LHFPL3: variants seen among roughly 807,000 people sequenced by gnomAD.
LHFPL3 encodes the protein LHFPL tetraspan subfamily member 3 protein.
LHFPL3 carries 5 observed loss-of-function variants against 19.3 expected under a neutral mutation model. The ratio of observed to expected loss-of-function variants is 0.26; its 90% CI spans 0.14 to 0.54. The LOEUF (loss-of-function observed/expected upper bound fraction) is 0.54, where lower values mean the gene tolerates loss of function less well. Ranked by LOEUF, LHFPL3 falls within the 20% of genes least tolerant of loss-of-function variation. The pLI is 0.94. For synonymous variants in LHFPL3, 133 were observed against 126.2 expected, an observed-to-expected ratio of 1.05 and a Z score of -0.36; for missense variants, 249 against 307.4, an observed-to-expected ratio of 0.81 and a Z score of 1.42.
chr7:104,762,305 CA>C (rs1794384419), intron 2 of LHFPL3, among the ~76,000 whole-genome samples: 1 of 151,992 alleles, frequency 6.6e-6, no homozygotes, highest in African/African-American at 2.4e-5. Context: ...AATAATGTGA[CA>C]AATAACAGGT....
At chr7:104,726,346 T>A (rs78955569) in intron 1 of LHFPL3, among the ~76,000 whole-genome samples, 1 of 151,842 alleles carries the variant, frequency 6.6e-6, no homozygotes, top group African/African-American at 2.4e-5. Flanking sequence ...TTTTTTTTTT[T>A]ATTCCAAGGT....
At chr7:104,813,365 T>C (rs986301680) in intron 2 of LHFPL3, among the ~76,000 whole-genome samples, 3 of 152,214 alleles carry the variant, frequency 2.0e-5, no homozygotes, top group African/African-American at 7.2e-5. Flanking sequence ...AAATAGCTGG[T>C]AACCTCAAAA....
chr7:104,889,506 G>T (rs1278878109), intron 2 of LHFPL3, among the ~76,000 whole-genome samples: 1 of 152,158 alleles, frequency 6.6e-6, no homozygotes, highest in African/African-American at 2.4e-5. Flanking sequence ...CAGGTGTGGT[G>T]TCACAAGCCT....
At chr7:104,738,789 G>T (rs991266752) in intron 2 of LHFPL3, 1 of 152,062 alleles carries the variant, frequency 6.6e-6, no homozygotes, top group Non-Finnish European at 1.5e-5. Context: ...GATCCTTTCC[G>T]TCTGAGTCTT....
chr7:104,819,168 A>T (rs13246819), intron 2 of LHFPL3, among the ~76,000 whole-genome samples: 1 of 151,820 alleles, frequency 6.6e-6, no homozygotes, highest in East Asian at 1.9e-4. Flanking sequence ...ATCCTGCTTT[A>T]AAAAAAATAT....
intron 2 of LHFPL3, among the ~76,000 whole-genome samples, chr7:104,898,682 C>T (rs777118398): frequency 6.6e-6 from 1 of 152,016 alleles, no homozygotes; most frequent in African/African-American, 2.4e-5. Flanking sequence ...GGGCCAGGCG[C>T]GGTGGTTCAT....
intron 1 of LHFPL3, among the ~76,000 whole-genome samples, chr7:104,405,622 A>C (rs1160431772): frequency 6.6e-6 from 1 of 152,240 alleles, no homozygotes; most frequent in Non-Finnish European, 1.5e-5. Flanking sequence ...AACATCATAT[A>C]GTAACAGTAG....
In LHFPL3 at chr7:104,804,956, G is replaced by A. The variant is rs190862786; in HGVS notation, c.682+68045G>A. 5.1e-4 allele frequency among the ~76,000 whole-genome samples: 77 copies of A among 152,240 alleles called. 2 individuals are homozygous for A. The highest frequency in any genetic ancestry group is 1.8e-3 in the African/African-American group (73 of 41,542). ...TGTTATACAATAATAGATGACTAGC[G>A]CACTTCCTTTTCTGCTCCCACACCC... On this transcript the variant is annotated intron_variant, in intron 2 of 2. Transcript: ENST00000424859.
chr7:104,783,371 C>T (rs1789850814), intron 2 of LHFPL3, among the ~76,000 whole-genome samples: 1 of 152,244 alleles, frequency 6.6e-6, no homozygotes, highest in Non-Finnish European at 1.5e-5. Flanking sequence ...AGTGGGCTCT[C>T]TCTTAGTTCC....
intron 2 of LHFPL3, among the ~76,000 whole-genome samples, chr7:104,829,509 T>G (rs1264933034): frequency 1.3e-5 from 2 of 149,194 alleles, no homozygotes; most frequent in Admixed American, 6.7e-5. Context: ...GTCCCCGGAG[T>G]GTGATGTTCC....
chr7:104,669,458 C>T (rs1792428492), intron 1 of LHFPL3: 3 of 1,612,738 alleles, frequency 1.9e-6, no homozygotes, highest in South Asian at 1.1e-5. Flanking sequence ...TCCAGATCTG[C>T]ACCTGAGCCA....
intron 1 of LHFPL3, among the ~76,000 whole-genome samples, chr7:104,442,051 C>T (rs1792235468): frequency 6.6e-6 from 1 of 151,938 alleles, no homozygotes; most frequent in African/African-American, 2.4e-5. Context: ...TCCTCACCAA[C>T]ACTTATCTTT....
At chr7:104,455,003 T>G (rs750598561) in intron 1 of LHFPL3, among the ~76,000 whole-genome samples, 13 of 152,224 alleles carry the variant, frequency 8.5e-5, no homozygotes, top group Non-Finnish European at 1.9e-4. Context: ...TTATTAGCTG[T>G]GATCAATGAG....
At chr7:104,691,320 C>A (rs1215440541) in intron 1 of LHFPL3, among the ~76,000 whole-genome samples, 3 of 152,190 alleles carry the variant, frequency 2.0e-5, no homozygotes. Flanking sequence ...TGTTACATTG[C>A]CTTCTCTCCC....
chr7:104,510,995 C>A (rs1001387360), intron 1 of LHFPL3, among the ~76,000 whole-genome samples: 1 of 151,956 alleles, frequency 6.6e-6, no homozygotes, highest in African/African-American at 2.4e-5. Flanking sequence ...ACAACAAACC[C>A]CCATGACACA....
At chr7:104,580,156 T>A (rs73715129) in intron 1 of LHFPL3, among the ~76,000 whole-genome samples, 28,635 of 152,108 alleles carry the variant, frequency 0.19, 2,906 homozygotes, top group East Asian at 0.38. Context: ...TTTCTGAGAA[T>A]GTTTTCATGC....
chr7:104,562,753 G>T (rs1358195901), intron 1 of LHFPL3, among the ~76,000 whole-genome samples: 1 of 151,770 alleles, frequency 6.6e-6, no homozygotes, highest in Non-Finnish European at 1.5e-5. Flanking sequence ...AGGAGGAGAG[G>T]CACTCTGCTT....
chr7:104,347,402 G>C (rs1312275345), intron 1 of LHFPL3, among the ~76,000 whole-genome samples: 1 of 152,078 alleles, frequency 6.6e-6, no homozygotes, highest in African/African-American at 2.4e-5. Flanking sequence ...ACTTTCCAGG[G>C]CTGGGTCCTC....
At chr7:104,520,012 C>A (rs892990440) in intron 1 of LHFPL3, among the ~76,000 whole-genome samples, 2 of 151,636 alleles carry the variant, frequency 1.3e-5, no homozygotes, top group Non-Finnish European at 2.9e-5. Flanking sequence ...AAAGGGCATC[C>A]CTGTCTTGTG....
Sources: gnomAD v4.1 joint callset for allele counts (sites outside exome capture counted in the v4.1 genomes callset) on GRCh38, gnomAD v4.1.1 for gene constraint, MANE v1.5 for transcripts, NCBI Gene and HGNC (gene_info 2026-07-23, HGNC 2026-07-21) for gene names.